The following PTPRM variants were observed in gnomAD, a reference collection of about 807,000 sequenced individuals.
PTPRM encodes the protein protein tyrosine phosphatase receptor type M.
In PTPRM, 47 loss-of-function variants were observed where a neutral mutation model predicts 186.7. That is an observed-to-expected ratio of 0.25 (90% CI 0.20 to 0.32). The LOEUF (loss-of-function observed/expected upper bound fraction) is 0.32, where lower values mean the gene tolerates loss of function less well. Ranked by LOEUF, PTPRM falls within the 10% of genes least tolerant of loss-of-function variation. The pLI is 1.00. For missense variants in PTPRM, 1,494 were observed against 1,865.0 expected, an observed-to-expected ratio of 0.80 and a Z score of 3.66; for synonymous variants, 668 against 674.9, an observed-to-expected ratio of 0.99 and a Z score of 0.16.
chr18:7,652,436 A>G (rs578261378), intron 1 of PTPRM, among the ~76,000 whole-genome samples: 19 of 152,282 alleles, frequency 1.2e-4, no homozygotes, highest in African/African-American at 4.3e-4. Context: ...TCATGCTGCT[A>G]TAAAGACACA....
intron 1 of PTPRM, among the ~76,000 whole-genome samples, chr18:7,709,895 G>A (rs182934302): frequency 1.2e-4 from 19 of 152,130 alleles, no homozygotes; most frequent in Admixed American, 2.0e-4. Flanking sequence ...AGCAGTGAGA[G>A]TAAATCAGTA....
At chr18:8,056,134 ATTT>A (rs1212763215) in intron 7 of PTPRM, among the ~76,000 whole-genome samples, 1 of 152,174 alleles carries the variant, frequency 6.6e-6, no homozygotes, top group Non-Finnish European at 1.5e-5. Context: ...TCATTTATTA[ATTT>A]ATCTAATTAT....
At chr18:7,922,048 A>G (rs913753021) in intron 4 of PTPRM, among the ~76,000 whole-genome samples, 1 of 152,010 alleles carries the variant, frequency 6.6e-6, no homozygotes, top group Non-Finnish European at 1.5e-5. Flanking sequence ...TTTGTAATTT[A>G]CCTGTTGATT....
At chr18:7,983,532 T>A (rs1187025780) in intron 7 of PTPRM, among the ~76,000 whole-genome samples, 1 of 152,188 alleles carries the variant, frequency 6.6e-6, no homozygotes, top group Non-Finnish European at 1.5e-5. Flanking sequence ...GCTAGAACTA[T>A]GCTTTTTGTC....
intron 1 of PTPRM, among the ~76,000 whole-genome samples, chr18:7,653,453 C>A (rs2038771591): frequency 6.6e-6 from 1 of 151,968 alleles, no homozygotes; most frequent in Non-Finnish European, 1.5e-5. Context: ...TTTTCCTGAT[C>A]CTCTCCCTCC....
Position 8,376,581 on chromosome 18 carries a change from A to G in PTPRM, c.3446A>G (p.Asn1149Ser). The change falls in exon 26 of 33, where the codon AAC becomes AGC. Residue 1149 changes from asparagine to serine, a missense_variant. Physicochemically the swap from Asn to Ser is conservative, Grantham distance 46. Coordinates refer to ENST00000580170, the MANE Select transcript of PTPRM (RefSeq NM_001105244.2). ...AGGGAGCTGCGGTCACGGAGGGTGA[A>G]CATGGTGCAAACAGAGGTACTCCCG... ...CVRELRSRRV[N>S]MVQTEEQYVF... The G allele has an allele frequency of 6.2e-7, 1 of 1,613,420 alleles. No homozygotes were observed. The highest frequency in any genetic ancestry group is 8.5e-7 in the Non-Finnish European group (1 of 1,179,906).
chr18:7,664,788 G>A (rs748546545), intron 1 of PTPRM, among the ~76,000 whole-genome samples: 5 of 152,186 alleles, frequency 3.3e-5, no homozygotes, highest in Non-Finnish European at 5.9e-5. Context: ...AGATACAGAT[G>A]TCTGGATATA....
At chr18:7,887,319 G>A (rs933343502) in intron 2 of PTPRM, among the ~76,000 whole-genome samples, 36 of 152,246 alleles carry the variant, frequency 2.4e-4, no homozygotes, top group Non-Finnish European at 3.7e-4. Flanking sequence ...ACACTCATGG[G>A]TAGGTTAGGG....
intron 1 of PTPRM, among the ~76,000 whole-genome samples, chr18:7,678,325 A>G (rs1194335002): frequency 6.6e-6 from 1 of 152,118 alleles, no homozygotes; most frequent in Non-Finnish European, 1.5e-5. Context: ...TAATGTTTCA[A>G]AGCACCCTCT....
At chr18:7,808,587 G>A (rs1035673031) in intron 2 of PTPRM, among the ~76,000 whole-genome samples, 1 of 152,178 alleles carries the variant, frequency 6.6e-6, no homozygotes, top group Non-Finnish European at 1.5e-5. Flanking sequence ...CATAGGAAAT[G>A]AGCCTGAATT....
intron 14 of PTPRM, among the ~76,000 whole-genome samples, chr18:8,182,835 C>T (rs2093594398): frequency 6.6e-6 from 1 of 152,156 alleles, no homozygotes; most frequent in Non-Finnish European, 1.5e-5. Context: ...TCTTTCCCTG[C>T]CCCCAAGTGC....
chr18:8,381,361 A>G (rs75653930), intron 29 of PTPRM, among the ~76,000 whole-genome samples: 22 of 9,814 alleles, frequency 2.2e-3, no homozygotes, highest in Admixed American at 1.6e-3. Flanking sequence ...TCTTTTTCTT[A>G]AAAAAAAAAA....
At chr18:7,685,894 G>T (rs2039591068) in intron 1 of PTPRM, among the ~76,000 whole-genome samples, 1 of 152,148 alleles carries the variant, frequency 6.6e-6, no homozygotes, top group African/African-American at 2.4e-5. Flanking sequence ...CATTTAGGGT[G>T]CTTTGGTTGC....
intron 1 of PTPRM, among the ~76,000 whole-genome samples, chr18:7,654,567 C>G (rs1475802266): frequency 2.6e-5 from 4 of 152,086 alleles, no homozygotes; most frequent in Non-Finnish European, 5.9e-5. Context: ...AGTTGTCTTC[C>G]AGGGTTTTTA....
At chr18:8,346,082 T>C (rs1204884199) in intron 23 of PTPRM, among the ~76,000 whole-genome samples, 6 of 152,236 alleles carry the variant, frequency 3.9e-5, no homozygotes. Flanking sequence ...ATGATGTCTC[T>C]GCCGGGAGCC....
chr18:8,366,256 C>T (rs975964562), intron 23 of PTPRM, among the ~76,000 whole-genome samples: 4 of 152,202 alleles, frequency 2.6e-5, no homozygotes, highest in Admixed American at 2.0e-4. Flanking sequence ...GCGTGAGAGC[C>T]AGCACTCCAG....
intron 14 of PTPRM, among the ~76,000 whole-genome samples, chr18:8,162,235 G>A (rs1161948607): frequency 1.3e-5 from 2 of 151,848 alleles, no homozygotes; most frequent in Non-Finnish European, 2.9e-5. Flanking sequence ...GAGTATCTAG[G>A]ATTACAGGCA....
intron 3 of PTPRM, among the ~76,000 whole-genome samples, chr18:7,893,890 G>T (rs2049205668): frequency 6.6e-6 from 1 of 152,160 alleles, no homozygotes; most frequent in Non-Finnish European, 1.5e-5. Context: ...GTTGGGTTAA[G>T]AAGGACAGGC....
intron 1 of PTPRM, among the ~76,000 whole-genome samples, chr18:7,613,448 A>G (rs552753342): frequency 6.6e-6 from 1 of 152,230 alleles, no homozygotes; most frequent in African/African-American, 2.4e-5. Context: ...GCCTAGGCAG[A>G]TGGATCATGA....
Sources: gnomAD v4.1 joint callset for allele counts (sites outside exome capture counted in the v4.1 genomes callset) on GRCh38, gnomAD v4.1.1 for gene constraint, MANE v1.5 for transcripts, NCBI Gene and HGNC (gene_info 2026-07-23, HGNC 2026-07-21) for gene names.